Variants in ARHGAP28 observed in about 807,000 individuals in gnomAD.
ARHGAP28 encodes Rho GTPase activating protein 28, also known as rho GTPase-activating protein 28.
In ARHGAP28, 56 loss-of-function variants were observed where a neutral mutation model predicts 90.7. The ratio of observed to expected loss-of-function variants is 0.62; its 90% CI spans 0.50 to 0.77. The LOEUF (loss-of-function observed/expected upper bound fraction) is 0.77, where lower values mean the gene tolerates loss of function less well. Among genes scored for constraint, ARHGAP28 ranks in the 30% least tolerant of loss-of-function variants. The pLI, the probability that ARHGAP28 is intolerant of heterozygous loss-of-function variation, is 0.00. For missense variants in ARHGAP28, 869 were observed against 900.9 expected, an observed-to-expected ratio of 0.96 and a Z score of 0.45; for synonymous variants, 308 against 323.3, an observed-to-expected ratio of 0.95 and a Z score of 0.51.
intron 1 of ARHGAP28, among the ~76,000 whole-genome samples, chr18:6,804,800 T>C (rs2056506425): frequency 6.6e-6 from 1 of 152,250 alleles, no homozygotes. Context: ...TTTAAATTTA[T>C]TGACACTTTT....
chr18:6,789,834 T>TG (rs1354785465), intron 1 of ARHGAP28: 2 of 139,156 alleles, frequency 1.4e-5, no homozygotes, highest in African/African-American at 3.0e-5. Flanking sequence ...TTTGTTTTTT[T>TG]GTTTTTTTTT....
chr18:6,869,957 A>G (rs2057070271), intron 6 of ARHGAP28, among the ~76,000 whole-genome samples: 1 of 152,214 alleles, frequency 6.6e-6, no homozygotes, highest in South Asian at 2.1e-4. Flanking sequence ...TAGCTTGAGA[A>G]AAACATTTTT....
At chr18:6,803,117 G>C (rs1164538025) in intron 1 of ARHGAP28, among the ~76,000 whole-genome samples, 1 of 151,894 alleles carries the variant, frequency 6.6e-6, no homozygotes, top group Non-Finnish European at 1.5e-5. Flanking sequence ...AGAACTTTTA[G>C]TACAATGTTG....
Position 6,912,114 on chromosome 18 carries a change from C to T in ARHGAP28, c.2150C>T (p.Pro717Leu). The T allele has an allele frequency of 6.2e-7, 1 of 1,608,646 alleles. No individual in the cohort carries two copies. Among genetic ancestry groups the T allele is most frequent in the Non-Finnish European group, 8.5e-7 (1 of 1,176,428 alleles). The change falls in exon 18 of 18, where the codon CCT (proline) becomes CTT (leucine). Residue 717 changes from proline to leucine, a missense_variant. Pro to Leu is a moderately conservative substitution (Grantham distance 98). Transcript: ENST00000383472. Reference protein sequence around the residue: ...AYILDVYRINPQAEWVIKPQQ... With the variant: ...AYILDVYRINLQAEWVIKPQQ... ...ATATTGGATGTATATCGTATAAATC[C>T]TCAAGCAGAATGGGTGATTAAACCC...
At chr18:6,822,509 A>T (rs962520875) in intron 1 of ARHGAP28, among the ~76,000 whole-genome samples, 3 of 152,236 alleles carry the variant, frequency 2.0e-5, no homozygotes, top group African/African-American at 4.8e-5. Flanking sequence ...TAGCTGTCTT[A>T]CTATCTTGTC....
intron 1 of ARHGAP28, among the ~76,000 whole-genome samples, chr18:6,740,298 C>T (rs2055965361): frequency 6.6e-6 from 1 of 152,178 alleles, no homozygotes; most frequent in South Asian, 2.1e-4. Context: ...AGGTCCTAGA[C>T]TATGACATTG....
At position 6,758,478 on chromosome 18, in the gene ARHGAP28, T is replaced by A. The variant is rs117270612; in HGVS notation, c.122+28535T>A. On this transcript the variant is annotated intron_variant, in intron 1 of 17. Coordinates refer to ENST00000383472, the MANE Select transcript of ARHGAP28 (RefSeq NM_001366230.1). Reference sequence around the variant, plus strand: ...AGCTGGGATTGCAAGCACGCACCACTAAGCCTGGCTAATTTTCGTAATTTT... The same window carrying A: ...AGCTGGGATTGCAAGCACGCACCACAAAGCCTGGCTAATTTTCGTAATTTT... 6.1e-3 allele frequency among the ~76,000 whole-genome samples: 929 copies of A among 152,230 alleles called. 7 individuals carry two copies. Among genetic ancestry groups the A allele is most frequent in the Non-Finnish European group, 8.6e-3 (586 of 67,992 alleles).
At position 6,824,977 on chromosome 18, in the gene ARHGAP28, A is replaced by T; in HGVS notation, c.325+13A>T. Reference sequence around the variant, plus strand: ...ACACCTGTGGATGGTAAGTTGCTGGATTTGTCTTCCTATGTGCTGACTGGC... The same window carrying T: ...ACACCTGTGGATGGTAAGTTGCTGGTTTTGTCTTCCTATGTGCTGACTGGC... On this transcript the variant is annotated intron_variant, in intron 2 of 17. Transcript: ENST00000383472. 6.6e-7 allele frequency: 1 copy of T among 1,525,770 alleles called. No homozygotes were observed. Among genetic ancestry groups the T allele is most frequent in the Non-Finnish European group, 8.8e-7 (1 of 1,141,572 alleles). The allele number at this position is 1,525,770 out of a possible 1,614,324, so 94.5% of individuals were successfully genotyped here.
chr18:6,801,581 T>G (rs908025161), intron 1 of ARHGAP28, among the ~76,000 whole-genome samples: 7 of 152,276 alleles, frequency 4.6e-5, no homozygotes, highest in African/African-American at 1.7e-4. Flanking sequence ...TCATTGAATA[T>G]ATTGATCAAC....
chr18:6,763,643 G>A (rs1439686947), intron 1 of ARHGAP28, among the ~76,000 whole-genome samples: 3 of 152,188 alleles, frequency 2.0e-5, no homozygotes, highest in South Asian at 2.1e-4. Flanking sequence ...CCTACGTCTG[G>A]AATTTTTTTC....
chr18:6,819,453 C>T lies in ARHGAP28; in HGVS notation c.123-5309C>T, dbSNP rs553189964. Among the ~76,000 whole-genome samples the T allele has an allele frequency of 6.6e-5, 10 of 152,294 alleles. No individual in the cohort carries two copies. In the South Asian group the frequency reaches 1.2e-3, roughly 19 times the overall value. ...TGTGACATAAGCAGAGCCAAGTGGTCATTACCTCCCTGGGCATGTCTGCTC... is the reference window on the plus strand; with the variant it reads ...TGTGACATAAGCAGAGCCAAGTGGTTATTACCTCCCTGGGCATGTCTGCTC... On this transcript the variant is annotated intron_variant, in intron 1 of 17. Coordinates refer to ENST00000383472, the MANE Select transcript of ARHGAP28 (RefSeq NM_001366230.1).
chr18:6,827,316 G>A (rs1451189805), intron 2 of ARHGAP28, among the ~76,000 whole-genome samples: 2 of 149,864 alleles, frequency 1.3e-5, no homozygotes, highest in African/African-American at 2.5e-5. Context: ...CGGGCGGGGG[G>A]CTGAACCCTC....
chr18:6,909,501 C>T lies in ARHGAP28; in HGVS notation c.2095+477C>T, dbSNP rs188594570. On this transcript the variant is annotated intron_variant, in intron 17 of 17. Transcript: ENST00000383472. ...AGAGACGGGGTTTCACCATGTTGGC[C>T]AGGCTGGTCTCGAACTCCTGACCTC... is the stretch of plus-strand genomic sequence containing the variant. Among the ~76,000 whole-genome samples, 438 of 151,832 alleles carry T rather than the reference C, an allele frequency of 2.9e-3. 5 individuals are homozygous for T. The highest frequency in any genetic ancestry group is 9.6e-3 in the African/African-American group (396 of 41,386).
chr18:6,856,057 G>A (rs1476257010), intron 4 of ARHGAP28, among the ~76,000 whole-genome samples: 1 of 152,124 alleles, frequency 6.6e-6, no homozygotes, highest in African/African-American at 2.4e-5. Context: ...CCAGTGGGCG[G>A]AATGAACCCA....
intron 2 of ARHGAP28, among the ~76,000 whole-genome samples, chr18:6,835,121 C>T (rs2056743605): frequency 6.6e-6 from 1 of 152,122 alleles, no homozygotes; most frequent in East Asian, 1.9e-4. Context: ...AAACATACAT[C>T]CTACTTAGGC....
At chr18:6,816,113 A>C (rs1260337421) in intron 1 of ARHGAP28, among the ~76,000 whole-genome samples, 1 of 152,222 alleles carries the variant, frequency 6.6e-6, no homozygotes, top group Non-Finnish European at 1.5e-5. Context: ...GAGGCCAGCC[A>C]GGCAAGTAAC....
At chr18:6,911,561 C>T (rs1314181612) in intron 17 of ARHGAP28, among the ~76,000 whole-genome samples, 2 of 151,838 alleles carry the variant, frequency 1.3e-5, no homozygotes, top group African/African-American at 4.8e-5. Context: ...TCAGCCTCCC[C>T]AGTAGCTGGA....
rs375666053 is a variant in ARHGAP28, at chr18:6,819,147, ATT to A, written c.123-5609_123-5608del. Among the ~76,000 whole-genome samples, 49 of 152,292 alleles carry A rather than the reference ATT, an allele frequency of 3.2e-4. No homozygotes were observed. In the East Asian group the frequency reaches 8.5e-3, roughly 26 times the overall value. Reference sequence around the variant, plus strand: ...AGTAAGAAGTATGTCTTTTAAAAATATTTTTTTGGAATATACTTAACAACTAA... The same window carrying A: ...AGTAAGAAGTATGTCTTTTAAAAATATTTTTGGAATATACTTAACAACTAA... On this transcript the variant is annotated intron_variant, in intron 1 of 17. Coordinates refer to ENST00000383472, the MANE Select transcript of ARHGAP28 (RefSeq NM_001366230.1).
In ARHGAP28 at chr18:6,908,435, G is replaced by A. The variant is rs191728607; in HGVS notation, c.2031-525G>A. On this transcript the variant is annotated intron_variant, in intron 16 of 17. Coordinates refer to ENST00000383472, the MANE Select transcript of ARHGAP28 (RefSeq NM_001366230.1). ...ATTACAGGCATGAGCCACCGTGTCC[G>A]GCCGTGACTTGCTTTTATTATGGGG... 3.1e-3 allele frequency among the ~76,000 whole-genome samples: 476 copies of A among 152,170 alleles called. 4 individuals are homozygous for A. The highest frequency in any genetic ancestry group is 0.011 in the African/African-American group (451 of 41,528).
Sources: allele counts gnomAD v4.1 joint callset (sites outside exome capture counted in the v4.1 genomes callset), GRCh38; gene constraint gnomAD v4.1.1; transcripts MANE v1.5; gene names NCBI Gene and HGNC (gene_info 2026-07-23, HGNC 2026-07-21).